The following SLC37A1 variants were observed in gnomAD, a reference collection of about 807,000 sequenced individuals.
SLC37A1 encodes the protein glucose-6-phosphate exchanger SLC37A1.
SLC37A1 carries 49 observed loss-of-function variants against 75.3 expected under a neutral mutation model. That is an observed-to-expected ratio of 0.65 (90% confidence interval 0.52 to 0.83). SLC37A1 has a LOEUF of 0.83. SLC37A1 is among the 40% of genes least tolerant of loss of function. The pLI, the probability that SLC37A1 is intolerant of heterozygous loss-of-function variation, is 0.00. For missense variants in SLC37A1, 566 were observed against 695.0 expected (o/e 0.81, Z 2.09); for synonymous variants, 268 against 292.1 (o/e 0.92, Z 0.84).
rs1320609322 is a variant in SLC37A1 at position 42,568,722 on chromosome 21, A to G, written c.1423+284A>G. ...CCCGTGGGCTAACTCAGGTCCACTC[A>G]TTATTTATCGCCTTCATCTCAAGAA... On this transcript the variant is annotated intron_variant, in intron 17 of 19. Coordinates refer to ENST00000352133, the MANE Select transcript of SLC37A1 (RefSeq NM_001320537.2). Among the ~76,000 whole-genome samples, 8 of 152,334 alleles carry G rather than the reference A, an allele frequency of 5.3e-5. No individual in the cohort carries two copies. The South Asian group carries it at 6.2e-4, about 12-fold the overall frequency.
chr21:42,538,992 G>A (rs967976173), intron 5 of SLC37A1, among the ~76,000 whole-genome samples: 6 of 152,186 alleles, frequency 3.9e-5, no homozygotes, highest in African/African-American at 7.2e-5. Flanking sequence ...GGCAGGAGGC[G>A]GTAGTGGCAA....
intron 18 of SLC37A1, chr21:42,575,182 C>T: frequency 4.1e-6 from 4 of 984,448 alleles, no homozygotes; most frequent in East Asian, 1.1e-4. Context: ...TAGATCCTGC[C>T]TGTCACCTGT....
intron 10 of SLC37A1, 126 bp downstream of exon 10, chr21:42,554,268 T>A: frequency 2.5e-6 from 2 of 788,158 alleles, no homozygotes; most frequent in Non-Finnish European, 4.0e-6. Flanking sequence ...CTTAAAAAAA[T>A]TCTGTCTCAT....
At position 42,526,711 on chromosome 21, in the gene SLC37A1, AG is replaced by A. The variant is rs2054803736; in HGVS notation, c.138+858del. 2.0e-5 allele frequency among the ~76,000 whole-genome samples: 3 copies of A among 152,186 alleles called. No homozygotes were observed. In the South Asian group the frequency reaches 6.2e-4, roughly 32 times the overall value. The stretch of plus-strand genomic sequence containing the variant: ...GGTTCCCCACTCTCCAGCAGCTTTC[AG>A]GGGATGTTAAACATTCATTTACCCA... On this transcript the variant is annotated intron_variant, in intron 3 of 19. Transcript: ENST00000352133.
At chr21:42,565,729 TGAGA>T in intron 14 of SLC37A1, 94 bp from the exon 15 acceptor site, 3 of 1,154,746 alleles carry the variant, frequency 2.6e-6, no homozygotes, top group South Asian at 2.6e-5. Context: ...GATGGCTGCC[TGAGA>T]ATCACCCGCC....
At chr21:42,546,975 G>A in intron 8 of SLC37A1, 128 bp from the exon 9 acceptor site, 6 of 1,094,102 alleles carry the variant, frequency 5.5e-6, no homozygotes, top group East Asian at 2.4e-5. Flanking sequence ...CTCATTTAAT[G>A]TGAATCCTGC....
chr21:42,571,983 C>A (rs963204867), intron 17 of SLC37A1, among the ~76,000 whole-genome samples: 3 of 152,202 alleles, frequency 2.0e-5, no homozygotes, highest in Non-Finnish European at 4.4e-5. Context: ...GCCTGCGACA[C>A]AGCCCTAGCA....
In SLC37A1 at chr21:42,542,422, C is replaced by T. The variant is rs1204243729; in HGVS notation, c.505C>T (p.Gln169Ter). 6.2e-7 allele frequency: 1 copy of T among 1,613,756 alleles called. No homozygotes were observed. Among genetic ancestry groups the T allele is most frequent in the African/African-American group, 1.3e-5 (1 of 74,896 alleles). Residue 169 changes from glutamine (Q) to a stop codon, truncating the protein, a stop_gained, in exon 7 of 20, where the codon CAG becomes TAG. Transcript: ENST00000352133. LOFTEE classifies it high-confidence loss of function. Reference protein sequence around the residue: ...VVTQVINGLVQTTGWPSVVTC... With the variant: ...VVTQVINGLV ...CCTGCAGGTCATCAACGGGCTGGTGCAGACCACCGGCTGGCCCAGCGTCGT... is the reference window on the plus strand; with the variant it reads ...CCTGCAGGTCATCAACGGGCTGGTGTAGACCACCGGCTGGCCCAGCGTCGT...
chr21:42,543,297 G>T (rs551920424), intron 7 of SLC37A1, 139 bp from the exon 8 acceptor site: 2 of 961,820 alleles, frequency 2.1e-6, no homozygotes, highest in East Asian at 2.4e-5. Context: ...GTCCTGCATG[G>T]CACAGAAGCA....
At chr21:42,579,710 G>C in intron 18 of SLC37A1, 26 bp from the exon 19 acceptor site, 1 of 1,613,994 alleles carries the variant, frequency 6.2e-7, no homozygotes, top group Non-Finnish European at 8.5e-7. Flanking sequence ...CCAGTAACAG[G>C]TGGGCTCACC....
At chr21:42,557,461 C>T (rs2055720719) in intron 10 of SLC37A1, among the ~76,000 whole-genome samples, 1 of 152,286 alleles carries the variant, frequency 6.6e-6, no homozygotes, top group Admixed American at 6.5e-5. Context: ...CTTTCACGTG[C>T]CGTGATGGGA....
chr21:42,541,116 T>G (rs568552691), intron 6 of SLC37A1, among the ~76,000 whole-genome samples: 2 of 152,254 alleles, frequency 1.3e-5, no homozygotes, highest in African/African-American at 4.8e-5. Context: ...CATCAGGCAT[T>G]CGATTCTCAT....
chr21:42,539,372 T>C, intron 5 of SLC37A1, 140 bp from the exon 6 acceptor site: 2 of 1,043,310 alleles, frequency 1.9e-6, no homozygotes, highest in Non-Finnish European at 2.8e-6. Flanking sequence ...GTGTATGAAA[T>C]CTTCCTGGAA....
Position 42,530,156 on chromosome 21 carries a change from A to C in SLC37A1, c.138+4299A>C, listed in dbSNP as rs189708618. On this transcript the variant is annotated intron_variant, in intron 3 of 19. Coordinates refer to ENST00000352133, the MANE Select transcript of SLC37A1 (RefSeq NM_001320537.2). ...GCAGGTCCCTAAAAGAATTCATCAC[A>C]GGCAAACCAGTTGACTCAGAAACAT... Among the ~76,000 whole-genome samples the C allele has an allele frequency of 2.8e-3, 425 of 152,366 alleles. 2 individuals are homozygous for C. The highest frequency in any genetic ancestry group is 9.1e-3 in the African/African-American group (379 of 41,596).
intron 2 of SLC37A1, among the ~76,000 whole-genome samples, chr21:42,521,979 C>T (rs974071353): frequency 6.6e-6 from 1 of 152,188 alleles, no homozygotes. Flanking sequence ...CTGCAGGCTC[C>T]GGGGACAGAC....
chr21:42,575,605 A>T, intron 18 of SLC37A1: 1 of 985,416 alleles, frequency 1.0e-6, no homozygotes. Flanking sequence ...GTGCATACAC[A>T]TCTTTACAAG....
At chr21:42,571,074 G>A (rs1190108476) in intron 17 of SLC37A1, among the ~76,000 whole-genome samples, 4 of 152,238 alleles carry the variant, frequency 2.6e-5, no homozygotes, top group African/African-American at 7.2e-5. Flanking sequence ...TGGTCACCAT[G>A]GAAACGGCGC....
rs764168593 is a variant in SLC37A1, at chr21:42,514,241, G to C, written c.-655G>C. ...CGACAATGCCGGGCGTTCCCGGACC[G>C]GGGCAACGCTGGGATTCCGGGGAAG... is the stretch of plus-strand genomic sequence containing the variant. On this transcript the variant is annotated 5_prime_UTR_variant, in exon 1 of 20. Coordinates refer to ENST00000352133, the MANE Select transcript of SLC37A1 (RefSeq NM_001320537.2). This position sits in a 1 kb window ranked among gnomAD's most constrained non-coding sequence, Gnocchi z 4.8. 23 of 152,222 alleles carry C rather than the reference G, an allele frequency of 1.5e-4. 1 individual carries two copies. The highest frequency in any genetic ancestry group is 3.3e-4 in the Admixed American group (5 of 15,302). The allele number at this position is 152,222 out of a possible 1,614,324, so 9.4% of individuals were successfully genotyped here. A position where few individuals can be genotyped will look rare whatever the true frequency, so the allele number is the denominator to read the frequency against.
intron 3 of SLC37A1, 115 bp from the exon 4 acceptor site, chr21:42,534,583 G>C: frequency 7.5e-7 from 1 of 1,336,924 alleles, no homozygotes; most frequent in Non-Finnish European, 1.0e-6. Context: ...GCAGGGTGCA[G>C]GTGCCCTGGG....
Sources: allele counts gnomAD v4.1 joint callset (sites outside exome capture counted in the v4.1 genomes callset), GRCh38; gene constraint gnomAD v4.1.1; non-coding constraint Gnocchi (gnomAD v3.1); transcripts MANE v1.5; gene names NCBI Gene and HGNC (gene_info 2026-07-23, HGNC 2026-07-21).